ZDHHC7: variants seen among roughly 807,000 people sequenced by gnomAD.
ZDHHC7 encodes the protein palmitoyltransferase ZDHHC7.
Under a neutral mutation model 34.1 loss-of-function variants are expected in ZDHHC7, and 12 were observed. The ratio of observed to expected loss-of-function variants is 0.35; its 90% confidence interval spans 0.23 to 0.57. The LOEUF (loss-of-function observed/expected upper bound fraction) is 0.57, where lower values mean the gene tolerates loss of function less well. ZDHHC7 is among the 20% of genes least tolerant of loss of function. The pLI, the probability that ZDHHC7 is intolerant of heterozygous loss-of-function variation, is 0.84. For missense variants in ZDHHC7, 388 were observed against 402.7 expected (o/e 0.96, Z 0.31); for synonymous variants, 185 against 155.4 (o/e 1.19, Z -1.42).
intron 1 of ZDHHC7, among the ~76,000 whole-genome samples, chr16:84,999,610 C>T (rs562630272): frequency 8.5e-5 from 13 of 152,130 alleles, no homozygotes; most frequent in East Asian, 1.9e-4. Context: ...AAGCCAGACA[C>T]GGAAGAATAT....
upstream of ZDHHC7, among the ~76,000 whole-genome samples, chr16:85,012,686 C>T (rs973901598): frequency 2.0e-5 from 3 of 152,114 alleles, no homozygotes; most frequent in Non-Finnish European, 4.4e-5. Flanking sequence ...AGGCAGATCA[C>T]CTGAGGTCAG....
At chr16:85,009,093 A>T (rs1302764558) in intron 1 of ZDHHC7, among the ~76,000 whole-genome samples, 1 of 151,846 alleles carries the variant, frequency 6.6e-6, no homozygotes, top group African/African-American at 2.4e-5. Context: ...ACAGAAACAT[A>T]CCCCAAAAAG....
At chr16:85,019,943 A>G in the ZDHHC7 span, among the ~76,000 whole-genome samples, 1 of 152,154 alleles carries the variant, frequency 6.6e-6, no homozygotes, top group Non-Finnish European at 1.5e-5. Flanking sequence ...GACTCACTTC[A>G]TCCTCACCAC....
rs1286383140 is a variant in ZDHHC7, at chr16:84,974,408, G to A, written c.*1935C>T. On this transcript the variant is annotated 3_prime_UTR_variant, in exon 8 of 8. Coordinates refer to ENST00000313732, the MANE Select transcript of ZDHHC7 (RefSeq NM_017740.3). ...GGGCTGGGCCCACGAAGCACGGAAA[G>A]GCACCCCCTGAAAACACCACCATCC... 1 of 152,178 alleles carries A rather than the reference G, an allele frequency of 6.6e-6. No homozygotes were observed. The highest frequency in any genetic ancestry group is 1.9e-4 in the East Asian group (1 of 5,190). 9.4% of individuals were successfully genotyped at this position (152,178 alleles called of 1,614,324 possible).
At chr16:84,986,724 C>G (rs2072441774) in intron 3 of ZDHHC7, among the ~76,000 whole-genome samples, 1 of 152,188 alleles carries the variant, frequency 6.6e-6, no homozygotes. Flanking sequence ...CAATACAAAT[C>G]CCAATTTGTA....
At chr16:85,021,580 T>C in the ZDHHC7 span, among the ~76,000 whole-genome samples, 1 of 151,774 alleles carries the variant, frequency 6.6e-6, no homozygotes, top group African/African-American at 2.4e-5. Context: ...TAGCTGGGCA[T>C]GGTGGCATGC....
intron 3 of ZDHHC7, among the ~76,000 whole-genome samples, chr16:84,986,429 G>C (rs750866946): frequency 6.6e-6 from 1 of 152,162 alleles, no homozygotes; most frequent in Non-Finnish European, 1.5e-5. Flanking sequence ...CAGCAGTCGC[G>C]GCCCCATGAA....
intron 1 of ZDHHC7, among the ~76,000 whole-genome samples, chr16:85,006,482 G>C (rs1207997876): frequency 6.6e-6 from 1 of 152,110 alleles, no homozygotes; most frequent in Non-Finnish European, 1.5e-5. Flanking sequence ...AGGAGGCTGA[G>C]GTGGGCAGAT....
chr16:85,020,659 G>C, the ZDHHC7 span, among the ~76,000 whole-genome samples: 1 of 152,180 alleles, frequency 6.6e-6, no homozygotes, highest in Admixed American at 6.5e-5. Context: ...GCGAGGGTCA[G>C]TGTGTGGAGG....
chr16:85,026,532 C>G, the ZDHHC7 span, among the ~76,000 whole-genome samples: 123 of 151,894 alleles, frequency 8.1e-4, no homozygotes, highest in Non-Finnish European at 1.4e-3. Flanking sequence ...CAGCTCCCAG[C>G]TTTTTTCTTC....
chr16:84,998,446 C>T (rs2072611997), intron 1 of ZDHHC7, among the ~76,000 whole-genome samples: 1 of 152,164 alleles, frequency 6.6e-6, no homozygotes, highest in African/African-American at 2.4e-5. Context: ...GCTTCCACGA[C>T]AGTGCTTTTT....
intron 1 of ZDHHC7, among the ~76,000 whole-genome samples, chr16:85,006,887 C>A (rs1398951055): frequency 6.6e-6 from 1 of 150,858 alleles, no homozygotes; most frequent in Non-Finnish European, 1.5e-5. Context: ...ATTCCCCTTA[C>A]CTCGCCTTTC....
At chr16:85,015,893 A>G (rs1017088337), upstream of ZDHHC7, among the ~76,000 whole-genome samples, 8 of 152,056 alleles carry the variant, frequency 5.3e-5, no homozygotes, top group African/African-American at 1.7e-4. Context: ...AGGGCCTGCT[A>G]TCTGTCATGT....
intron 1 of ZDHHC7, among the ~76,000 whole-genome samples, chr16:84,996,794 T>G (rs8053010): frequency 6.6e-6 from 1 of 151,230 alleles, no homozygotes; most frequent in Non-Finnish European, 1.5e-5. Context: ...TTTGGGAGGC[T>G]GAGGCGGGTG....
At chr16:85,017,751 C>T in the ZDHHC7 span, among the ~76,000 whole-genome samples, 11 of 152,174 alleles carry the variant, frequency 7.2e-5, no homozygotes, top group South Asian at 2.1e-4. Context: ...TTGACACTGT[C>T]GTGAGAAGGA....
At chr16:85,026,800 C>G in the ZDHHC7 span, among the ~76,000 whole-genome samples, 2 of 151,908 alleles carry the variant, frequency 1.3e-5, no homozygotes, top group Non-Finnish European at 2.9e-5. Context: ...ATTTAAGGAG[C>G]TACCAGAAGG....
chr16:85,001,162 A>G (rs1350758693), intron 1 of ZDHHC7, among the ~76,000 whole-genome samples: 3 of 152,164 alleles, frequency 2.0e-5, no homozygotes, highest in Non-Finnish European at 4.4e-5. Flanking sequence ...GACCTTAGGT[A>G]AACCAGATGG....
At chr16:85,009,751 C>T (rs576684346) in intron 1 of ZDHHC7, among the ~76,000 whole-genome samples, 1 of 148,080 alleles carries the variant, frequency 6.8e-6, no homozygotes, top group South Asian at 2.1e-4. Flanking sequence ...CTCTGTCGCC[C>T]AGACTGGAGT....
chr16:85,017,408 G>C, the ZDHHC7 span, among the ~76,000 whole-genome samples: 13 of 152,152 alleles, frequency 8.5e-5, no homozygotes, highest in Non-Finnish European at 1.5e-4. Flanking sequence ...CTGCTGGTGA[G>C]AGTGTAATTG....
Sources: allele counts gnomAD v4.1 joint callset (sites outside exome capture counted in the v4.1 genomes callset), GRCh38; gene constraint gnomAD v4.1.1; transcripts MANE v1.5; gene names NCBI Gene and HGNC (gene_info 2026-07-23, HGNC 2026-07-21).